Variants in SLC44A5 observed in about 807,000 individuals in gnomAD.
The protein encoded by SLC44A5 is choline transporter-like protein 5.
SLC44A5 carries 57 observed loss-of-function variants against 101.8 expected under a neutral mutation model. The ratio of observed to expected loss-of-function variants is 0.56; its 90% confidence interval spans 0.45 to 0.70. The LOEUF (loss-of-function observed/expected upper bound fraction) is 0.70, where lower values mean the gene tolerates loss of function less well. Ranked by LOEUF, SLC44A5 falls within the 30% of genes least tolerant of loss-of-function variation. SLC44A5 has a pLI of 0.00. For missense variants in SLC44A5, 737 were observed against 853.1 expected, an observed-to-expected ratio of 0.86 and a Z score of 1.70; for synonymous variants, 281 against 290.9, an observed-to-expected ratio of 0.97 and a Z score of 0.35.
At chr1:75,321,032 G>GA (rs1268248943) in intron 4 of SLC44A5, among the ~76,000 whole-genome samples, 2 of 152,096 alleles carry the variant, frequency 1.3e-5, no homozygotes, top group African/African-American at 4.8e-5. Context: ...ATATGTAGGA[G>GA]AAAATGCAAA....
At chr1:75,651,887 G>GCAGTTGTTAACTAT in the SLC44A5 span, among the ~76,000 whole-genome samples, 1 of 151,966 alleles carries the variant, frequency 6.6e-6, no homozygotes, top group Non-Finnish European at 1.5e-5. Flanking sequence ...TTGTGATCGG[G>GCAGTTGTTAACTAT]CAGTTGTTAA....
At chr1:75,215,662 A>C (rs528632515) in intron 19 of SLC44A5, 92 bp downstream of exon 19, 12 of 698,962 alleles carry the variant, frequency 1.7e-5, no homozygotes, top group Non-Finnish European at 3.0e-5. Flanking sequence ...ATTCAACTGC[A>C]TGAAGTAAAA....
chr1:75,642,289 T>C, the SLC44A5 span, among the ~76,000 whole-genome samples: 1 of 152,216 alleles, frequency 6.6e-6, no homozygotes, highest in Non-Finnish European at 1.5e-5. Flanking sequence ...TGCTTCATTG[T>C]TGATATCAAA....
At chr1:75,424,977 T>G (rs557692364) in intron 2 of SLC44A5, among the ~76,000 whole-genome samples, 1 of 152,286 alleles carries the variant, frequency 6.6e-6, no homozygotes, top group East Asian at 1.9e-4. Flanking sequence ...ATAGGAACAC[T>G]TTGGTGGTAG....
chr1:75,388,682 G>T (rs1265333149), intron 3 of SLC44A5, among the ~76,000 whole-genome samples: 1 of 151,958 alleles, frequency 6.6e-6, no homozygotes, highest in Admixed American at 6.6e-5. Flanking sequence ...GGGAGGCTGA[G>T]GCAGGAGAAT....
the SLC44A5 span, among the ~76,000 whole-genome samples, chr1:75,634,070 C>T: frequency 6.6e-6 from 1 of 152,090 alleles, no homozygotes; most frequent in East Asian, 1.9e-4. Context: ...AGGGATGAAG[C>T]CCAGTTGATC....
rs145091257 is a variant in SLC44A5 at position 75,568,594 on chromosome 1, A to G, written c.-69-27078T>C. On this transcript the variant is annotated intron_variant, in intron 1 of 23. Coordinates refer to ENST00000370859, the MANE Select transcript of SLC44A5 (RefSeq NM_001130058.2). ...ATTTTTCCTTGCTTTTCTATTTTCC[A>G]TACCTCTATCTGTTTTTTCTGCCTT... 2.4e-3 allele frequency among the ~76,000 whole-genome samples: 363 copies of G among 152,082 alleles called. 2 individuals carry two copies. Among genetic ancestry groups the G allele is most frequent in the African/African-American group, 8.3e-3 (344 of 41,470 alleles).
intron 2 of SLC44A5, among the ~76,000 whole-genome samples, chr1:75,530,217 T>C (rs1008768702): frequency 1.3e-5 from 2 of 152,034 alleles, no homozygotes; most frequent in Non-Finnish European, 2.9e-5. Flanking sequence ...AACATGAAAA[T>C]TATCTGGCTT....
chr1:75,716,087 A>C, the SLC44A5 span, among the ~76,000 whole-genome samples: 3 of 152,236 alleles, frequency 2.0e-5, no homozygotes, highest in Admixed American at 2.0e-4. Context: ...TCAATAGAGA[A>C]ATGCAAATCA....
intron 2 of SLC44A5, among the ~76,000 whole-genome samples, chr1:75,417,460 C>CA (rs1284499935): frequency 1.3e-5 from 2 of 152,138 alleles, no homozygotes; most frequent in African/African-American, 4.8e-5. Context: ...AGAATTTAAC[C>CA]ACAGTTTATG....
intron 14 of SLC44A5, among the ~76,000 whole-genome samples, chr1:75,221,041 T>G (rs1029532898): frequency 6.6e-6 from 1 of 152,146 alleles, no homozygotes; most frequent in African/African-American, 2.4e-5. Flanking sequence ...GTAGAGCAAG[T>G]TACAGTGAAC....
intron 4 of SLC44A5, among the ~76,000 whole-genome samples, chr1:75,336,082 AT>A (rs5775284): frequency 0.42 from 63,806 of 151,726 alleles, 14,138 homozygotes; most frequent in East Asian, 0.85. Context: ...CTAGATTTTC[AT>A]TTTTTTCTTA....
chr1:75,587,398 T>C (rs977133070), intron 1 of SLC44A5, among the ~76,000 whole-genome samples: 3 of 152,200 alleles, frequency 2.0e-5, no homozygotes, highest in Non-Finnish European at 4.4e-5. Flanking sequence ...TAGTGGTTGA[T>C]TAGCAGTAAA....
intron 2 of SLC44A5, among the ~76,000 whole-genome samples, chr1:75,495,776 C>A (rs1244980305): frequency 6.6e-6 from 1 of 151,978 alleles, no homozygotes; most frequent in African/African-American, 2.4e-5. Context: ...TGTAAAAATG[C>A]AATCTCCACA....
chr1:75,306,206 T>A (rs1444435765), intron 4 of SLC44A5, among the ~76,000 whole-genome samples: 1 of 152,224 alleles, frequency 6.6e-6, no homozygotes, highest in African/African-American at 2.4e-5. Flanking sequence ...TTAGATACCA[T>A]CTGGCCTGCA....
At chr1:75,252,449 A>G (rs894436398) in intron 6 of SLC44A5, among the ~76,000 whole-genome samples, 5 of 152,200 alleles carry the variant, frequency 3.3e-5, no homozygotes, top group African/African-American at 1.2e-4. Context: ...ACCTGTCTAC[A>G]TAAGCCAATA....
chr1:75,523,875 TAAAAAC>T (rs915587862), intron 2 of SLC44A5, among the ~76,000 whole-genome samples: 5 of 152,186 alleles, frequency 3.3e-5, no homozygotes, highest in Admixed American at 1.3e-4. Context: ...ACAGCCCTCT[TAAAAAC>T]AAAGAATTTT....
At chr1:75,345,637 G>A (rs1658196840) in intron 3 of SLC44A5, among the ~76,000 whole-genome samples, 2 of 152,118 alleles carry the variant, frequency 1.3e-5, no homozygotes, top group Admixed American at 6.6e-5. Flanking sequence ...TTTAGAAGGA[G>A]AGAAATTTTA....
intron 1 of SLC44A5, among the ~76,000 whole-genome samples, chr1:75,581,590 G>A (rs1486519235): frequency 1.3e-5 from 2 of 152,200 alleles, no homozygotes; most frequent in Non-Finnish European, 2.9e-5. Context: ...ATGTGGGAAA[G>A]GGGTACAGTA....
Sources: allele counts gnomAD v4.1 joint callset (sites outside exome capture counted in the v4.1 genomes callset), GRCh38; gene constraint gnomAD v4.1.1; transcripts MANE v1.5; gene names NCBI Gene and HGNC (gene_info 2026-07-23, HGNC 2026-07-21).